Variants in GRK2 observed in about 807,000 individuals in gnomAD.
The protein encoded by GRK2 is G protein-coupled receptor kinase 2.
A neutral mutation model predicts 97.8 loss-of-function variants in GRK2; 23 were observed. The observed-to-expected ratio is 0.24, with a 90% CI of 0.17 to 0.33. GRK2 has a LOEUF of 0.33. Ranked by LOEUF, GRK2 falls within the 10% of genes least tolerant of loss-of-function variation. The pLI is 1.00. For synonymous variants in GRK2, 425 were observed against 381.7 expected (o/e 1.11, Z -1.32); for missense variants, 633 against 956.9 (o/e 0.66, Z 4.47).
chr11:67,270,452 G>GC (rs976612888), intron 1 of GRK2, among the ~76,000 whole-genome samples: 1 of 150,256 alleles, frequency 6.7e-6, no homozygotes, highest in Non-Finnish European at 1.5e-5. Flanking sequence ...CCCAGACCCT[G>GC]CCCCTGTTCC....
At chr11:67,285,221 C>T (rs776999492) in intron 20 of GRK2, 33 bp downstream of exon 20, 123 of 1,612,172 alleles carry the variant, frequency 7.6e-5, no homozygotes, top group Non-Finnish European at 9.3e-5. Context: ...ATGGGAGGGC[C>T]GAGGGGCCAG....
In GRK2 at chr11:67,269,061, T is replaced by C. The variant is rs1394852909; in HGVS notation, c.113+2249T>C. 1.3e-5 allele frequency among the ~76,000 whole-genome samples: 2 copies of C among 152,216 alleles called. No homozygotes were observed. The highest frequency in any genetic ancestry group is 4.8e-5 in the African/African-American group (2 of 41,478). ...GTGCGAGCGCCGAATGTCAGTGCGC[T>C]AAGGCCTGGGAAGGGCTACTGGCCA... is the stretch of plus-strand genomic sequence containing the variant. On this transcript the variant is annotated intron_variant, in intron 1 of 20. Coordinates refer to ENST00000308595, the MANE Select transcript of GRK2 (RefSeq NM_001619.5). This position sits in a 1 kb window ranked among gnomAD's most constrained non-coding sequence, Gnocchi z 4.1.
Position 67,279,457 on chromosome 11 carries a change from G to A in GRK2, c.304G>A (p.Val102Met), listed in dbSNP as rs1590851494. Residue 102 changes from valine to methionine, a missense_variant, in exon 4 of 21, where the codon GTG (valine) becomes ATG (methionine). By Grantham distance (21) the Val-to-Met change is conservative. Around this residue, in one of 4 missense-constraint regions of GRK2, gnomAD observed 193 missense variants for 212.2 expected, o/e 0.91. Coordinates refer to ENST00000308595, the MANE Select transcript of GRK2 (RefSeq NM_001619.5). ...YEKLETEEER[V>M]ARSREIFDSY... Reference sequence around the variant, plus strand: ...GAAGCTGGAGACGGAGGAGGAGCGTGTGGCCCGCAGCCGGGAGATCTTCGA... The same window carrying A: ...GAAGCTGGAGACGGAGGAGGAGCGTATGGCCCGCAGCCGGGAGATCTTCGA... The A allele has an allele frequency of 6.2e-7, 1 of 1,613,326 alleles. No homozygotes were observed.
In GRK2 at chr11:67,282,893, T is replaced by G. The variant is rs1590854689; in HGVS notation, c.1227+75T>G. 2.0e-6 allele frequency: 3 copies of G among 1,482,014 alleles called. No individual in the cohort carries two copies. Among genetic ancestry groups the G allele is most frequent in the East Asian group, 4.8e-5 (2 of 41,588 alleles). The allele number at this position is 1,482,014 out of a possible 1,614,324, so 91.8% of individuals were successfully genotyped here. Reference sequence around the variant, plus strand: ...GTGGGTGCCAGGCCATGACTCTTGCTTCCCACCAGCCAGCAGAGATCTGGG... The same window carrying G: ...GTGGGTGCCAGGCCATGACTCTTGCGTCCCACCAGCCAGCAGAGATCTGGG... On this transcript the variant is annotated intron_variant, in intron 14 of 20. Transcript: ENST00000308595. This position sits in a 1 kb window ranked among gnomAD's most constrained non-coding sequence, Gnocchi z 6.9.
intron 2 of GRK2, among the ~76,000 whole-genome samples, chr11:67,278,384 T>G (rs748603831): frequency 6.6e-6 from 1 of 152,092 alleles, no homozygotes; most frequent in African/African-American, 2.4e-5. Flanking sequence ...CCAGGCCCCT[T>G]ACTCAGGCAT....
Position 67,281,733 on chromosome 11 carries a change from G to A in GRK2, c.826+5G>A, listed in dbSNP as rs2136502706. ...TCATCCTGGACCTCATGAACGGTGA[G>A]TGCTGGCCGGGCCCTAGGGTGGGCC... On this transcript the variant is annotated splice_donor_5th_base_variant and intron_variant, in intron 10 of 20. Coordinates refer to ENST00000308595, the MANE Select transcript of GRK2 (RefSeq NM_001619.5). The surrounding 1 kb of genome is among the most constrained non-coding windows in gnomAD (Gnocchi z 5.7). 2 of 1,613,356 alleles carry A rather than the reference G, an allele frequency of 1.2e-6. No homozygotes were observed. The highest frequency in any genetic ancestry group is 3.3e-4 in the Middle Eastern group (2 of 6,062).
Position 67,282,757 on chromosome 11 carries a change from G to T in GRK2, c.1166G>T (p.Ser389Ile), listed in dbSNP as rs1175039905. 1 of 1,611,370 alleles carries T rather than the reference G, an allele frequency of 6.2e-7. No homozygotes were observed. The highest frequency in any genetic ancestry group is 2.2e-5 in the East Asian group (1 of 44,844). The change falls in exon 14 of 21, where the codon AGC becomes ATC. Residue 389 changes from serine to isoleucine, a missense_variant. Ser to Ile is a moderately radical substitution (Grantham distance 142). Coordinates refer to ENST00000308595, the MANE Select transcript of GRK2 (RefSeq NM_001619.5). This position sits in a 1 kb window ranked among gnomAD's most constrained non-coding sequence, Gnocchi z 6.9. ...TTTTGGCCTTTCTTGCCCAGGCACAGCCCCTTCCGGCAGCACAAGACCAAA... is the reference window on the plus strand; with the variant it reads ...TTTTGGCCTTTCTTGCCCAGGCACATCCCCTTCCGGCAGCACAAGACCAAA... ...CMLFKLLRGH[S>I]PFRQHKTKDK...
In GRK2 at chr11:67,285,470, TA is replaced by T; in HGVS notation, c.*23del. ...CTCTGACCCGCCCACCCGCCTTTTATAAACCTCTAATTTATTTTGTCGAATT... is the reference window on the plus strand; with the variant it reads ...CTCTGACCCGCCCACCCGCCTTTTATAACCTCTAATTTATTTTGTCGAATT... On this transcript the variant is annotated 3_prime_UTR_variant, in exon 21 of 21. Transcript: ENST00000308595. The T allele has an allele frequency of 1.3e-6, 2 of 1,520,018 alleles. No individual in the cohort carries two copies. Among genetic ancestry groups the T allele is most frequent in the Non-Finnish European group, 1.8e-6 (2 of 1,136,610 alleles). 94.2% of individuals were successfully genotyped at this position (1,520,018 alleles called of 1,614,324 possible).
chr11:67,286,322 G>A lies in GRK2; in HGVS notation c.*872G>A, dbSNP rs1429663599. The A allele has an allele frequency of 1.5e-5, 10 of 676,734 alleles. No homozygotes were observed. The Admixed American group carries it at 2.3e-4, about 16-fold the overall frequency. 41.9% of individuals were successfully genotyped at this position (676,734 alleles called of 1,614,324 possible). On this transcript the variant is annotated 3_prime_UTR_variant, in exon 21 of 21. Transcript: ENST00000308595. ...TGGCCCATCAGTGTACCCCCGCCCAGGCTGGCCAGCCCCACAGCCCACGTC... is the reference window on the plus strand; with the variant it reads ...TGGCCCATCAGTGTACCCCCGCCCAAGCTGGCCAGCCCCACAGCCCACGTC...
Position 67,279,436 on chromosome 11 carries a change from C to G in GRK2, c.283C>G (p.Leu95Val), listed in dbSNP as rs778007364. The G allele has an allele frequency of 3.7e-6, 6 of 1,613,284 alleles. No homozygotes were observed. In the South Asian group the frequency reaches 6.6e-5, roughly 18 times the overall value. The change falls in exon 4 of 21, where the codon CTG becomes GTG. Residue 95 changes from leucine (L) to valine (V), a missense_variant. Around this residue, in one of 4 missense-constraint regions of GRK2, gnomAD observed 193 missense variants for 212.2 expected, o/e 0.91. Transcript: ENST00000308595. ...CCTCCAGATCAAGAAGTACGAGAAGCTGGAGACGGAGGAGGAGCGTGTGGC... is the reference window on the plus strand; with the variant it reads ...CCTCCAGATCAAGAAGTACGAGAAGGTGGAGACGGAGGAGGAGCGTGTGGC... Reference protein sequence around the residue: ...FYEEIKKYEKLETEEERVARS... With the variant: ...FYEEIKKYEKVETEEERVARS...
At chr11:67,280,690 C>T (rs1430666265) in intron 6 of GRK2, 42 bp from the exon 7 acceptor site, 3 of 1,612,940 alleles carry the variant, frequency 1.9e-6, no homozygotes, top group Non-Finnish European at 2.5e-6. Context: ...TCATCCTTCC[C>T]ACATTCTGAG....
chr11:67,276,045 T>A lies in GRK2; in HGVS notation c.114-1227T>A, dbSNP rs1431332076. Among the ~76,000 whole-genome samples the A allele has an allele frequency of 1.3e-5, 2 of 151,902 alleles. No homozygotes were observed. Among genetic ancestry groups the A allele is most frequent in the Non-Finnish European group, 2.9e-5 (2 of 67,960 alleles). ...CTCCTAGGGGCAGGCAGGGCCGGGG[T>A]GCAGAAAGGCAGGGGCCATGGCAAG... is the stretch of plus-strand genomic sequence containing the variant. On this transcript the variant is annotated intron_variant, in intron 1 of 20. Coordinates refer to ENST00000308595, the MANE Select transcript of GRK2 (RefSeq NM_001619.5). This position sits in a 1 kb window ranked among gnomAD's most constrained non-coding sequence, Gnocchi z 4.2.
At chr11:67,271,338 T>C (rs1330627435) in intron 1 of GRK2, among the ~76,000 whole-genome samples, 1 of 152,254 alleles carries the variant, frequency 6.6e-6, no homozygotes, top group Non-Finnish European at 1.5e-5. Context: ...TGCTTTGCTG[T>C]TTACTGCAAA....
Position 67,269,044 on chromosome 11 carries a change from G to T in GRK2, c.113+2232G>T, listed in dbSNP as rs1177660553. Among the ~76,000 whole-genome samples the T allele has an allele frequency of 1.3e-5, 2 of 152,232 alleles. No homozygotes were observed. The highest frequency in any genetic ancestry group is 2.4e-5 in the African/African-American group (1 of 41,460). The stretch of plus-strand genomic sequence containing the variant: ...TGTGAAACGGACTGGAGGTGCGAGC[G>T]CCGAATGTCAGTGCGCTAAGGCCTG... On this transcript the variant is annotated intron_variant, in intron 1 of 20. Transcript: ENST00000308595. This position sits in a 1 kb window ranked among gnomAD's most constrained non-coding sequence, Gnocchi z 4.1.
In GRK2 at chr11:67,280,956, G is replaced by A. The variant is rs913070471; in HGVS notation, c.556-137G>A. 11 of 1,106,322 alleles carry A rather than the reference G, an allele frequency of 9.9e-6. No individual in the cohort carries two copies. In the African/African-American group the frequency reaches 1.5e-4, roughly 16 times the overall value. 68.5% of individuals were successfully genotyped at this position (1,106,322 alleles called of 1,614,324 possible). On this transcript the variant is annotated intron_variant, in intron 7 of 20. Transcript: ENST00000308595. ...ATCCCAGCATGGGGAGGCCGGAGCA[G>A]GTAAATATGTGGCAAGGATGGCCAG...
At chr11:67,284,181 A>T (rs1486661904) in intron 17 of GRK2, 30 bp from the exon 18 acceptor site, 2 of 1,612,520 alleles carry the variant, frequency 1.2e-6, no homozygotes, top group African/African-American at 2.7e-5. Context: ...CTGTCCACCC[A>T]TGTGCCCCTG....
chr11:67,280,025 C>G, intron 6 of GRK2, 125 bp downstream of exon 6: 5 of 943,586 alleles, frequency 5.3e-6, no homozygotes, highest in Non-Finnish European at 8.4e-6. Context: ...GCTGGCCCGT[C>G]AGCGGCCCCC....
rs1400762877 is a variant in GRK2, at chr11:67,285,146, C to T, written c.1863C>T (p.Leu621=). 1 of 1,613,626 alleles carries T rather than the reference C, an allele frequency of 6.2e-7. No homozygotes were observed. Among genetic ancestry groups the T allele is most frequent in the Admixed American group, 1.7e-5 (1 of 60,030 alleles). Residue 621 remains leucine (L), a synonymous_variant, in exon 20 of 21, where the codon CTC becomes CTT. Transcript: ENST00000308595. ...AGATCAAGGAGCGCAAGTGCCTGCTCCTCAAGATCCGCGGTGGGAAACAGT... is the reference window on the plus strand; with the variant it reads ...AGATCAAGGAGCGCAAGTGCCTGCTTCTCAAGATCCGCGGTGGGAAACAGT... ...ETQIKERKCL[L]LKIRGGKQFI... is the part of the protein sequence containing the mutation.
chr11:67,282,884 G>A lies in GRK2; in HGVS notation c.1227+66G>A, dbSNP rs1860186130. On this transcript the variant is annotated intron_variant, in intron 14 of 20. Transcript: ENST00000308595. The surrounding 1 kb of genome is among the most constrained non-coding windows in gnomAD (Gnocchi z 6.9). ...GGAGCTCCTGTGGGTGCCAGGCCATGACTCTTGCTTCCCACCAGCCAGCAG... is the reference window on the plus strand; with the variant it reads ...GGAGCTCCTGTGGGTGCCAGGCCATAACTCTTGCTTCCCACCAGCCAGCAG... 2 of 1,516,064 alleles carry A rather than the reference G, an allele frequency of 1.3e-6. No individual in the cohort carries two copies. The highest frequency in any genetic ancestry group is 1.4e-5 in the African/African-American group (1 of 73,076). The allele number at this position is 1,516,064 out of a possible 1,614,324, so 93.9% of individuals were successfully genotyped here. A position where few individuals can be genotyped will look rare whatever the true frequency, so the allele number is the denominator to read the frequency against.
Sources: allele counts gnomAD v4.1 joint callset (sites outside exome capture counted in the v4.1 genomes callset), GRCh38; gene constraint gnomAD v4.1.1; regional missense constraint gnomAD v4.1.1; non-coding constraint Gnocchi (gnomAD v3.1); transcripts MANE v1.5; gene names NCBI Gene and HGNC (gene_info 2026-07-23, HGNC 2026-07-21).